SCMH1: variants seen among roughly 807,000 people sequenced by gnomAD.
The protein encoded by SCMH1 is polycomb protein SCMH1.
A neutral mutation model predicts 70.8 loss-of-function variants in SCMH1; 37 were observed. The ratio of observed to expected loss-of-function variants is 0.52; its 90% CI spans 0.40 to 0.69. The LOEUF (loss-of-function observed/expected upper bound fraction) is 0.69, where lower values mean the gene tolerates loss of function less well. SCMH1 is among the 30% of genes least tolerant of loss of function. The pLI is 0.00. For synonymous variants in SCMH1, 292 were observed against 307.4 expected, an observed-to-expected ratio of 0.95 and a Z score of 0.52; for missense variants, 607 against 827.3, an observed-to-expected ratio of 0.73 and a Z score of 3.27.
At chr1:41,160,147 T>C (rs1296998264) in intron 4 of SCMH1, among the ~76,000 whole-genome samples, 1 of 152,062 alleles carries the variant, frequency 6.6e-6, no homozygotes, top group Non-Finnish European at 1.5e-5. Context: ...AGGAGGCAAA[T>C]AGACAATGAT....
intron 1 of SCMH1, among the ~76,000 whole-genome samples, chr1:41,241,739 C>T (rs1663605445): frequency 1.3e-5 from 2 of 151,874 alleles, no homozygotes; most frequent in African/African-American, 4.8e-5. Flanking sequence ...TCCAAAGGGC[C>T]CCCGGCCTTG....
At chr1:41,135,051 T>G (rs1321457140) in intron 6 of SCMH1, among the ~76,000 whole-genome samples, 1 of 152,216 alleles carries the variant, frequency 6.6e-6, no homozygotes, top group Non-Finnish European at 1.5e-5. Context: ...TATGTCTTGA[T>G]GAATTGTTGT....
chr1:41,032,021 C>T (rs180735094), intron 13 of SCMH1, among the ~76,000 whole-genome samples: 9 of 152,210 alleles, frequency 5.9e-5, no homozygotes, highest in African/African-American at 2.2e-4. Context: ...GCAGAGAGCT[C>T]CCTTGCCCCT....
At chr1:41,201,529 T>C (rs1402399120) in intron 1 of SCMH1, among the ~76,000 whole-genome samples, 2 of 152,144 alleles carry the variant, frequency 1.3e-5, no homozygotes, top group Non-Finnish European at 2.9e-5. Context: ...TCACAGAAAA[T>C]TGAAATAAGG....
At chr1:41,182,893 C>G (rs903496167) in intron 2 of SCMH1, among the ~76,000 whole-genome samples, 6 of 152,098 alleles carry the variant, frequency 3.9e-5, no homozygotes, top group Admixed American at 3.3e-4. Context: ...GTAACTGTCC[C>G]TGAATCAGGC....
At chr1:41,093,737 T>G (rs947086801) in intron 8 of SCMH1, among the ~76,000 whole-genome samples, 1 of 152,212 alleles carries the variant, frequency 6.6e-6, no homozygotes, top group Non-Finnish European at 1.5e-5. Flanking sequence ...TTATTCAGTA[T>G]CAAAAATACA....
At chr1:41,144,183 A>T (rs770486847) in intron 5 of SCMH1, among the ~76,000 whole-genome samples, 5 of 152,166 alleles carry the variant, frequency 3.3e-5, no homozygotes, top group Non-Finnish European at 7.4e-5. Context: ...TTGTGTAAAC[A>T]CCATCCCTAT....
exon 15 of SCMH1, chr1:41,027,406 G>A (rs1204232573): frequency 6.6e-6 from 1 of 152,282 alleles, no homozygotes; most frequent in Non-Finnish European, 1.5e-5. Context: ...CAGCAGTTCT[G>A]GCCAGGGCAA....
At chr1:41,141,676 T>TTGCA (rs1644086795) in intron 6 of SCMH1, among the ~76,000 whole-genome samples, 1 of 152,062 alleles carries the variant, frequency 6.6e-6, no homozygotes, top group Admixed American at 6.5e-5. Context: ...AAAAGACAAA[T>TTGCA]GACTTAGGTT....
intron 8 of SCMH1, among the ~76,000 whole-genome samples, chr1:41,076,553 G>C (rs1052460947): frequency 2.6e-5 from 4 of 152,124 alleles, no homozygotes; most frequent in Non-Finnish European, 5.9e-5. Context: ...ACAATATACG[G>C]TATAATGTCA....
chr1:41,099,824 T>C (rs1666087215), intron 8 of SCMH1, among the ~76,000 whole-genome samples: 1 of 152,198 alleles, frequency 6.6e-6, no homozygotes, highest in Admixed American at 6.5e-5. Flanking sequence ...ACTCAGATAA[T>C]GTATCAAAGT....
At chr1:41,106,456 T>G (rs545302496) in intron 8 of SCMH1, among the ~76,000 whole-genome samples, 1 of 151,904 alleles carries the variant, frequency 6.6e-6, no homozygotes, top group African/African-American at 2.4e-5. Context: ...AGCACCGTGT[T>G]TATACAGCCT....
chr1:41,030,057 A>T (rs12120043), intron 13 of SCMH1, among the ~76,000 whole-genome samples: 11,880 of 152,150 alleles, frequency 0.078, 598 homozygotes, highest in South Asian at 0.13. Flanking sequence ...TCTACAAAAA[A>T]TTTTTAAAAA....
intron 2 of SCMH1, among the ~76,000 whole-genome samples, chr1:41,162,029 G>T (rs1337452166): frequency 6.6e-6 from 1 of 151,992 alleles, no homozygotes; most frequent in Non-Finnish European, 1.5e-5. Context: ...GAGCAGGCAG[G>T]AGTCCCGCCA....
intron 12 of SCMH1, among the ~76,000 whole-genome samples, chr1:41,039,633 A>AT (rs367832952): frequency 0.14 from 20,835 of 146,364 alleles, 1,759 homozygotes; most frequent in Middle Eastern, 0.28. Flanking sequence ...TGCCCCACTG[A>AT]TTTTTTTTTT....
At chr1:41,146,934 G>A (rs893027962) in intron 5 of SCMH1, among the ~76,000 whole-genome samples, 13 of 151,854 alleles carry the variant, frequency 8.6e-5, no homozygotes, top group Non-Finnish European at 1.3e-4. Flanking sequence ...CATCTTCTAA[G>A]GTTTTCTTTA....
In SCMH1 at chr1:41,172,171, C is replaced by T. The variant is rs557073494; in HGVS notation, c.14-10739G>A. On this transcript the variant is annotated intron_variant, in intron 2 of 14. Coordinates refer to ENST00000337495, the Ensembl canonical transcript of SCMH1. ...CTGCACTCCAGCCTGGGCGACAGAG[C>T]GAGACTCCATCTCAAAAAAAAAAAA... Among the ~76,000 whole-genome samples, 9 of 135,322 alleles carry T rather than the reference C, an allele frequency of 6.7e-5. No homozygotes were observed. The South Asian group carries it at 7.1e-4, about 11-fold the overall frequency. The allele number at this position is 135,322 out of a possible 152,430, so 88.8% of individuals were successfully genotyped here.
At chr1:41,045,404 G>T (rs566939663) in intron 12 of SCMH1, among the ~76,000 whole-genome samples, 49 of 152,220 alleles carry the variant, frequency 3.2e-4, no homozygotes, top group Non-Finnish European at 5.3e-4. Flanking sequence ...GGGTACAGAA[G>T]TATCTATGAG....
chr1:41,080,939 T>A (rs971176339), intron 8 of SCMH1, among the ~76,000 whole-genome samples: 5 of 152,050 alleles, frequency 3.3e-5, no homozygotes, highest in African/African-American at 1.2e-4. Flanking sequence ...AGAAATAAAA[T>A]CTATAAATAC....
Sources: gnomAD v4.1 joint callset for allele counts (sites outside exome capture counted in the v4.1 genomes callset) on GRCh38, gnomAD v4.1.1 for gene constraint, MANE v1.5 for transcripts, NCBI Gene and HGNC (gene_info 2026-07-23, HGNC 2026-07-21) for gene names.